The following ANKRD44 variants were observed in gnomAD, a reference collection of about 807,000 sequenced individuals.
ANKRD44 encodes serine/threonine-protein phosphatase 6 regulatory ankyrin repeat subunit B.
A neutral mutation model predicts 116.0 loss-of-function variants in ANKRD44; 35 were observed. The observed-to-expected ratio is 0.30, with a 90% CI of 0.23 to 0.40. The LOEUF (loss-of-function observed/expected upper bound fraction) is 0.40. ANKRD44 is among the 10% of genes least tolerant of loss of function. ANKRD44 has a pLI of 1.00. For missense variants in ANKRD44, 1,014 were observed against 1,242.6 expected, an observed-to-expected ratio of 0.82 and a Z score of 2.77; for synonymous variants, 435 against 461.8, an observed-to-expected ratio of 0.94 and a Z score of 0.74.
intron 2 of ANKRD44, among the ~76,000 whole-genome samples, chr2:197,150,294 A>G (rs949921572): frequency 5.9e-5 from 9 of 152,198 alleles, no homozygotes; most frequent in Non-Finnish European, 1.3e-4. Context: ...CACACCTGTA[A>G]TCCCAGCACT....
At chr2:197,025,573 G>C (rs1246226683) in intron 16 of ANKRD44, among the ~76,000 whole-genome samples, 3 of 152,154 alleles carry the variant, frequency 2.0e-5, no homozygotes, top group East Asian at 1.9e-4. Context: ...AGATAGTGTG[G>C]ATAGTGTTGA....
intron 16 of ANKRD44, among the ~76,000 whole-genome samples, chr2:197,042,764 G>A (rs1161168197): frequency 6.6e-6 from 1 of 152,052 alleles, no homozygotes; most frequent in Non-Finnish European, 1.5e-5. Flanking sequence ...ACCTTTTCAG[G>A]CATCCAGCAA....
intron 1 of ANKRD44, among the ~76,000 whole-genome samples, chr2:197,265,279 C>G (rs1334461896): frequency 6.6e-6 from 1 of 150,716 alleles, no homozygotes; most frequent in Non-Finnish European, 1.5e-5. Context: ...CAGAGTCTTC[C>G]TCTGTCAGCC....
At chr2:197,227,572 T>A (rs572104337) in intron 1 of ANKRD44, among the ~76,000 whole-genome samples, 3 of 148,794 alleles carry the variant, frequency 2.0e-5, no homozygotes, top group African/African-American at 7.6e-5. Flanking sequence ...TAAACTATTT[T>A]AAAATAACCC....
At chr2:197,095,842 GCTACTA>G (rs1460692086) in intron 10 of ANKRD44, among the ~76,000 whole-genome samples, 1 of 152,144 alleles carries the variant, frequency 6.6e-6, no homozygotes, top group African/African-American at 2.4e-5. Context: ...CATAATGTTT[GCTACTA>G]CTAAATTGTG....
At chr2:197,178,746 T>C (rs1430885498) in intron 2 of ANKRD44, among the ~76,000 whole-genome samples, 1 of 152,214 alleles carries the variant, frequency 6.6e-6, no homozygotes, top group Non-Finnish European at 1.5e-5. Flanking sequence ...TGCAGAAATA[T>C]TTTCCCCTTT....
intron 16 of ANKRD44, among the ~76,000 whole-genome samples, chr2:197,026,580 A>T (rs2076599547): frequency 6.6e-6 from 1 of 152,214 alleles, no homozygotes; most frequent in African/African-American, 2.4e-5. Flanking sequence ...GCAGGACAGA[A>T]ATCAGAGAGA....
At chr2:196,997,037 T>TC (rs2076025728) in intron 25 of ANKRD44, among the ~76,000 whole-genome samples, 2 of 151,964 alleles carry the variant, frequency 1.3e-5, no homozygotes, top group East Asian at 3.9e-4. Context: ...AGGTTGAGCA[T>TC]CCCAAATTCG....
At chr2:197,119,171 T>C (rs2078793849) in intron 8 of ANKRD44, among the ~76,000 whole-genome samples, 1 of 82,634 alleles carries the variant, frequency 1.2e-5, no homozygotes, top group African/African-American at 2.7e-5. Context: ...TATAAATGTT[T>C]AAGACTTTTT....
At chr2:197,196,758 C>T (rs1486018329) in intron 1 of ANKRD44, among the ~76,000 whole-genome samples, 2 of 152,278 alleles carry the variant, frequency 1.3e-5, no homozygotes, top group East Asian at 3.9e-4. Context: ...CAAACACCAG[C>T]AAGCAATTTT....
chr2:197,252,561 C>T (rs903994262), intron 1 of ANKRD44, among the ~76,000 whole-genome samples: 6 of 152,240 alleles, frequency 3.9e-5, no homozygotes, highest in African/African-American at 9.6e-5. Flanking sequence ...CGCCCGCCAC[C>T]ACGCCCGGCT....
chr2:197,106,091 A>C (rs1003802662), intron 9 of ANKRD44, among the ~76,000 whole-genome samples: 1 of 152,166 alleles, frequency 6.6e-6, no homozygotes. Flanking sequence ...TGAGCTGATA[A>C]AAGTTTTTTC....
chr2:196,982,108 T>TATATATATATATATATATATATATATA (rs2075805174), downstream of ANKRD44, among the ~76,000 whole-genome samples: 1 of 96,550 alleles, frequency 1.0e-5, no homozygotes, highest in Non-Finnish European at 2.1e-5. Flanking sequence ...CTAAAAAAAA[T>TATATATATATATATATATATATATATA]TATATATATA....
intron 4 of ANKRD44, among the ~76,000 whole-genome samples, chr2:197,132,262 AG>A (rs2079113674): frequency 6.6e-6 from 1 of 152,226 alleles, no homozygotes; most frequent in Admixed American, 6.5e-5. Context: ...TGTGTCTAGA[AG>A]GGAAAACACA....
intron 1 of ANKRD44, among the ~76,000 whole-genome samples, chr2:197,301,884 T>C (rs1559234110): frequency 6.6e-6 from 1 of 152,160 alleles, no homozygotes; most frequent in Non-Finnish European, 1.5e-5. Flanking sequence ...GAGTCAAATA[T>C]ATGGTATGAG....
chr2:197,169,034 G>A (rs947794163), intron 2 of ANKRD44, among the ~76,000 whole-genome samples: 1 of 152,058 alleles, frequency 6.6e-6, no homozygotes, highest in African/African-American at 2.4e-5. Flanking sequence ...CAAACTCCTC[G>A]CTCAGCTCTG....
At chr2:197,032,242 A>G (rs769547200) in intron 16 of ANKRD44, among the ~76,000 whole-genome samples, 13 of 152,122 alleles carry the variant, frequency 8.5e-5, no homozygotes, top group African/African-American at 1.9e-4. Flanking sequence ...ATGAACTACA[A>G]TGGTGCTGGG....
intron 22 of ANKRD44, 89 bp from the exon 23 acceptor site, chr2:197,000,591 A>T: frequency 1.9e-6 from 2 of 1,047,320 alleles, no homozygotes; most frequent in Non-Finnish European, 2.9e-6. Flanking sequence ...TGTATATTTG[A>T]CAATCTGAAG....
chr2:197,231,335 TAAG>T (rs2081857709), intron 1 of ANKRD44, among the ~76,000 whole-genome samples: 1 of 152,032 alleles, frequency 6.6e-6, no homozygotes, highest in Admixed American at 6.5e-5. Flanking sequence ...GAGGCTGAGG[TAAG>T]AAGTTCATTG....
Sources: gnomAD v4.1 joint callset for allele counts (sites outside exome capture counted in the v4.1 genomes callset) on GRCh38, gnomAD v4.1.1 for gene constraint, MANE v1.5 for transcripts, NCBI Gene and HGNC (gene_info 2026-07-23, HGNC 2026-07-21) for gene names.